INPP4B: variants seen among roughly 807,000 people sequenced by gnomAD.
INPP4B encodes inositol polyphosphate 4-phosphatase type II.
Under a neutral mutation model 122.5 loss-of-function variants are expected in INPP4B, and 55 were observed. The observed-to-expected ratio is 0.45, with a 90% CI of 0.36 to 0.56. The LOEUF (loss-of-function observed/expected upper bound fraction) is 0.56. Ranked by LOEUF, INPP4B falls within the 20% of genes least tolerant of loss-of-function variation. The pLI is 0.00. For missense variants in INPP4B, 1,000 were observed against 1,097.7 expected, an observed-to-expected ratio of 0.91 and a Z score of 1.26; for synonymous variants, 403 against 388.7, an observed-to-expected ratio of 1.04 and a Z score of -0.43.
At chr4:142,541,484 G>C (rs531936962) in intron 2 of INPP4B, among the ~76,000 whole-genome samples, 2 of 151,778 alleles carry the variant, frequency 1.3e-5, no homozygotes, top group South Asian at 4.2e-4. Context: ...GGGATTAAAA[G>C]AATCTGTCCA....
At chr4:142,382,040 G>GA (rs1450487426) in intron 7 of INPP4B, among the ~76,000 whole-genome samples, 7 of 151,766 alleles carry the variant, frequency 4.6e-5, no homozygotes, top group African/African-American at 1.5e-4. Flanking sequence ...TAATTTTAAA[G>GA]AAAAAAACGT....
At chr4:142,422,617 C>A (rs1306281594) in intron 5 of INPP4B, among the ~76,000 whole-genome samples, 2 of 151,940 alleles carry the variant, frequency 1.3e-5, no homozygotes, top group Non-Finnish European at 2.9e-5. Flanking sequence ...CCAACCTGGG[C>A]AACATAGTGA....
At chr4:142,659,797 T>A (rs1017381320) in intron 2 of INPP4B, among the ~76,000 whole-genome samples, 1 of 152,096 alleles carries the variant, frequency 6.6e-6, no homozygotes, top group Non-Finnish European at 1.5e-5. Flanking sequence ...TCACAAGACA[T>A]CCTTTCCTCT....
intron 1 of INPP4B, among the ~76,000 whole-genome samples, chr4:142,750,711 C>G (rs1012392552): frequency 2.0e-5 from 3 of 152,072 alleles, no homozygotes; most frequent in African/African-American, 7.2e-5. Context: ...GGTCCAATTA[C>G]AAGGGCCCCT....
At chr4:142,076,813 T>C (rs2152507104) in intron 25 of INPP4B, among the ~76,000 whole-genome samples, 1 of 152,202 alleles carries the variant, frequency 6.6e-6, no homozygotes, top group Non-Finnish European at 1.5e-5. Context: ...TTCTCTTTAA[T>C]ATTTGAAATA....
chr4:142,556,153 G>A (rs866627742), intron 2 of INPP4B, among the ~76,000 whole-genome samples: 12 of 152,148 alleles, frequency 7.9e-5, no homozygotes, highest in African/African-American at 2.9e-4. Context: ...CTTTAGCCAG[G>A]TAGAGGAAGA....
intron 25 of INPP4B, among the ~76,000 whole-genome samples, chr4:142,061,881 CACACATATATATATAT>C (rs1760902964): frequency 2.5e-4 from 2 of 8,100 alleles, no homozygotes; most frequent in African/African-American, 4.3e-4. Flanking sequence ...CACACACACA[CACACATATATATATAT>C]ATATATATAT....
chr4:142,136,018 C>T (rs776726214), intron 18 of INPP4B, among the ~76,000 whole-genome samples: 19 of 152,148 alleles, frequency 1.2e-4, no homozygotes, highest in Admixed American at 5.9e-4. Flanking sequence ...AGGATGGTCT[C>T]GATCTCCTGA....
chr4:142,591,904 C>T (rs543552310), intron 2 of INPP4B, among the ~76,000 whole-genome samples: 2 of 152,136 alleles, frequency 1.3e-5, no homozygotes, highest in African/African-American at 2.4e-5. Context: ...CAAGAAGAAA[C>T]TAGGGATATA....
chr4:142,187,061 G>T (rs1256702898), intron 15 of INPP4B, among the ~76,000 whole-genome samples: 1 of 142,436 alleles, frequency 7.0e-6, no homozygotes, highest in Non-Finnish European at 1.5e-5. Context: ...GCTGAGAGTA[G>T]CCAACAAGGA....
rs547641333 is a variant in INPP4B at position 142,590,987 on chromosome 4, C to T, written c.-190-128261G>A. 5.1e-3 allele frequency among the ~76,000 whole-genome samples: 772 copies of T among 151,240 alleles called. 4 individuals carry two copies. Among genetic ancestry groups the T allele is most frequent in the Non-Finnish European group, 7.9e-3 (537 of 67,836 alleles). ...AGTATAGAAGGTGAGGCTGGTAGTT[C>T]CAGAAAGAAAAGAAGTAATCAAAAA... On this transcript the variant is annotated intron_variant, in intron 2 of 25. Transcript: ENST00000262992.
At chr4:142,093,466 A>T (rs1780457254) in intron 23 of INPP4B, among the ~76,000 whole-genome samples, 1 of 152,208 alleles carries the variant, frequency 6.6e-6, no homozygotes, top group African/African-American at 2.4e-5. Context: ...CTACAATAAA[A>T]ACAGTTTAAA....
rs534034418 is a variant in INPP4B at position 142,204,874 on chromosome 4, T to C, written c.1072+3551A>G. ...GATTTCAGACTTCCAGCCCCCAGAA[T>C]TGTGAAAAAAATAAGTTTGGCTATT... On this transcript the variant is annotated intron_variant, in intron 14 of 25. Coordinates refer to ENST00000262992, the MANE Select transcript of INPP4B (RefSeq NM_001101669.3). Among the ~76,000 whole-genome samples, 6 of 152,146 alleles carry C rather than the reference T, an allele frequency of 3.9e-5. No individual in the cohort carries two copies. In the East Asian group the frequency reaches 7.7e-4, roughly 20 times the overall value.
At chr4:142,091,983 C>T (rs1039936) in intron 23 of INPP4B, among the ~76,000 whole-genome samples, 97,550 of 152,150 alleles carry the variant, frequency 0.64, 33,268 homozygotes, top group Non-Finnish European at 0.76. Context: ...GCACCACACT[C>T]CCACTCTGAC....
At chr4:142,518,663 C>T (rs1825711574) in intron 2 of INPP4B, 1 of 152,134 alleles carries the variant, frequency 6.6e-6, no homozygotes, top group Non-Finnish European at 1.5e-5. Flanking sequence ...ATAAAACTCA[C>T]TGTTGCTTCT....
chr4:142,410,201 G>A (rs1399084601), intron 5 of INPP4B, among the ~76,000 whole-genome samples: 1 of 152,182 alleles, frequency 6.6e-6, no homozygotes, highest in Non-Finnish European at 1.5e-5. Context: ...CAGCAACACT[G>A]CTCGAATTCA....
At chr4:142,504,281 A>T (rs1270208125) in intron 2 of INPP4B, among the ~76,000 whole-genome samples, 9 of 152,228 alleles carry the variant, frequency 5.9e-5, no homozygotes, top group Admixed American at 3.3e-4. Context: ...CAAGAGGGAA[A>T]TTCAAATAAA....
At chr4:142,116,466 C>T (rs1212929012) in intron 21 of INPP4B, among the ~76,000 whole-genome samples, 1 of 152,136 alleles carries the variant, frequency 6.6e-6, no homozygotes, top group African/African-American at 2.4e-5. Flanking sequence ...AACTGTCTCT[C>T]AGATCACAGT....
At chr4:142,310,297 A>G (rs1765012798) in intron 8 of INPP4B, among the ~76,000 whole-genome samples, 1 of 152,206 alleles carries the variant, frequency 6.6e-6, no homozygotes, top group South Asian at 2.1e-4. Flanking sequence ...AATGCTTAGT[A>G]TGAAAAAAGA....
Sources: gnomAD v4.1 joint callset for allele counts (sites outside exome capture counted in the v4.1 genomes callset) on GRCh38, gnomAD v4.1.1 for gene constraint, MANE v1.5 for transcripts, NCBI Gene and HGNC (gene_info 2026-07-23, HGNC 2026-07-21) for gene names.